Variants in PCSK5 observed in about 807,000 individuals in gnomAD.
PCSK5 encodes the protein prohormone convertase 5.
In PCSK5, 129 loss-of-function variants were observed where a neutral mutation model predicts 233.2. The ratio of observed to expected loss-of-function variants is 0.55; its 90% CI spans 0.48 to 0.64. The LOEUF (loss-of-function observed/expected upper bound fraction) is 0.64. PCSK5 is among the 30% of genes least tolerant of loss of function. The probability of loss-of-function intolerance (pLI) is 0.00; values close to 1 mark genes in which losing one functional copy is unlikely to be tolerated. For missense variants in PCSK5, 2,076 were observed against 2,430.1 expected, an observed-to-expected ratio of 0.85 and a Z score of 3.06; for synonymous variants, 825 against 879.2, an observed-to-expected ratio of 0.94 and a Z score of 1.09.
chr9:75,917,876 A>G (rs1823072425), intron 1 of PCSK5, among the ~76,000 whole-genome samples: 1 of 152,208 alleles, frequency 6.6e-6, no homozygotes, highest in Non-Finnish European at 1.5e-5. Context: ...AGTAGAAGCT[A>G]AGAAGAGCAT....
chr9:76,290,998 T>C lies in PCSK5; in HGVS notation c.3143-1235T>C, dbSNP rs144212685. On this transcript the variant is annotated intron_variant, in intron 24 of 37. Transcript: ENST00000674117. ...TGCAAGTTCACAAGATAATTAAGCC[T>C]GAGTTGAAACTTCAAACAGGAAGCT... 4.6e-5 allele frequency among the ~76,000 whole-genome samples: 7 copies of C among 152,360 alleles called. No homozygotes were observed. In the East Asian group the frequency reaches 1.2e-3, roughly 25 times the overall value.
At chr9:75,907,202 T>C (rs79122273) in intron 1 of PCSK5, among the ~76,000 whole-genome samples, 1 of 152,194 alleles carries the variant, frequency 6.6e-6, no homozygotes, top group African/African-American at 2.4e-5. Context: ...CTTTTTTTTT[T>C]CGGTCTACAG....
rs766224237 is a variant in PCSK5, at chr9:76,169,812, C to A, written c.1728C>A (p.Pro576=). 7.4e-6 allele frequency: 12 copies of A among 1,613,416 alleles called. No homozygotes were observed. In the East Asian group the frequency reaches 2.5e-4, roughly 33 times the overall value. The change falls in exon 13 of 38, where the codon CCC becomes CCA. Residue 576 remains proline, a synonymous_variant. Transcript: ENST00000674117. The part of the protein sequence containing the change: ...GDWVLEVYDT[P]SQLRNFKTPG... ...GGGTCCTTGAAGTTTATGATACTCCCTCTCAGCTAAGGAACTTTAAGACTC... is the reference window on the plus strand; with the variant it reads ...GGGTCCTTGAAGTTTATGATACTCCATCTCAGCTAAGGAACTTTAAGACTC...
At chr9:75,912,689 T>C (rs1287363689) in intron 1 of PCSK5, among the ~76,000 whole-genome samples, 1 of 152,324 alleles carries the variant, frequency 6.6e-6, no homozygotes, top group South Asian at 2.1e-4. Flanking sequence ...CATTCTCTAC[T>C]ACATGATAAC....
At chr9:76,245,775 T>C (rs2131337123) in intron 24 of PCSK5, among the ~76,000 whole-genome samples, 1 of 151,190 alleles carries the variant, frequency 6.6e-6, no homozygotes, top group Admixed American at 6.6e-5. Context: ...AGTGGGAGAG[T>C]GGGTGTCTTG....
chr9:75,933,764 A>G (rs761691368), intron 2 of PCSK5, among the ~76,000 whole-genome samples: 1 of 152,160 alleles, frequency 6.6e-6, no homozygotes, highest in Non-Finnish European at 1.5e-5. Context: ...CACTATTCAG[A>G]ATTGAATTTT....
chr9:76,188,756 C>A, intron 18 of PCSK5, 81 bp downstream of exon 18: 1 of 926,526 alleles, frequency 1.1e-6, no homozygotes, highest in Non-Finnish European at 1.7e-6. Context: ...CTCATGCAAC[C>A]CACTTGATAC....
rs59248860 is a variant in PCSK5, at chr9:76,173,496, C to CTTTTTTTTTTTTTTTTTTTTTT, written c.1757-1475_1757-1454dup. 1.3e-3 allele frequency among the ~76,000 whole-genome samples: 80 copies of CTTTTTTTTTTTTTTTTTTTTTT among 60,998 alleles called. 15 individuals carry two copies. The highest frequency in any genetic ancestry group is 1.7e-3 in the Non-Finnish European group (51 of 30,124). The allele number at this position is 60,998 out of a possible 152,430, so 40.0% of individuals were successfully genotyped here. A position where few individuals can be genotyped will look rare whatever the true frequency, so the allele number is the denominator to read the frequency against. On this transcript the variant is annotated intron_variant, in intron 13 of 37. Transcript: ENST00000674117. ...CTTTAATGAAATGGAGGCACGTTTC[C>CTTTTTTTTTTTTTTTTTTTTTT]TTTTTTTTTTTTTTTTTTTTTTTTT... is the stretch of plus-strand genomic sequence containing the variant.
intron 3 of PCSK5, among the ~76,000 whole-genome samples, chr9:75,990,665 T>A (rs2131402715): frequency 6.6e-6 from 1 of 152,322 alleles, no homozygotes; most frequent in Non-Finnish European, 1.5e-5. Flanking sequence ...AGGGGAGTAA[T>A]ATGTAAGCAT....
At chr9:76,057,100 T>A (rs1484554311) in intron 5 of PCSK5, among the ~76,000 whole-genome samples, 1 of 152,158 alleles carries the variant, frequency 6.6e-6, no homozygotes, top group Non-Finnish European at 1.5e-5. Flanking sequence ...CTACTAAAGT[T>A]TTCTCCCTAT....
At chr9:76,287,083 A>T (rs953190738) in intron 24 of PCSK5, 5 of 157,710 alleles carry the variant, frequency 3.2e-5, no homozygotes, top group Admixed American at 1.3e-4. Context: ...GGATAGTCTT[A>T]TCCTCTGGGA....
intron 13 of PCSK5, among the ~76,000 whole-genome samples, chr9:76,174,131 T>G (rs1212135539): frequency 1.3e-5 from 2 of 152,162 alleles, no homozygotes; most frequent in African/African-American, 4.8e-5. Context: ...TTGTTAATTT[T>G]AGTTCATTTA....
chr9:76,134,240 A>G, intron 10 of PCSK5, 28 bp downstream of exon 10: 3 of 1,344,216 alleles, frequency 2.2e-6, no homozygotes, highest in Non-Finnish European at 3.1e-6. Flanking sequence ...ATTCTGTCAC[A>G]GGCAAAATAT....
intron 2 of PCSK5, among the ~76,000 whole-genome samples, chr9:75,970,192 T>A (rs1384548040): frequency 2.0e-5 from 3 of 152,172 alleles, no homozygotes; most frequent in Non-Finnish European, 2.9e-5. Flanking sequence ...CAATTCTTAA[T>A]CAGTAACCAT....
At chr9:76,091,044 T>G (rs1275886243) in intron 7 of PCSK5, among the ~76,000 whole-genome samples, 1 of 151,864 alleles carries the variant, frequency 6.6e-6, no homozygotes, top group Non-Finnish European at 1.5e-5. Flanking sequence ...GGTAAGAGAG[T>G]AATGGAGAAT....
chr9:76,213,606 C>A (rs1308385012), intron 20 of PCSK5, among the ~76,000 whole-genome samples: 1 of 152,036 alleles, frequency 6.6e-6, no homozygotes, highest in Non-Finnish European at 1.5e-5. Context: ...TTTAGTCTCC[C>A]TTGACCAGGG....
At chr9:76,186,076 G>T (rs1824090124) in intron 17 of PCSK5, among the ~76,000 whole-genome samples, 1 of 151,892 alleles carries the variant, frequency 6.6e-6, no homozygotes, top group South Asian at 2.1e-4. Context: ...AAAGATACAG[G>T]GGAAATGAGT....
intron 8 of PCSK5, among the ~76,000 whole-genome samples, chr9:76,103,636 A>C (rs1315831248): frequency 6.6e-6 from 1 of 152,196 alleles, no homozygotes; most frequent in Non-Finnish European, 1.5e-5. Flanking sequence ...ACCGCTTGTC[A>C]TCAAAGGATG....
intron 2 of PCSK5, among the ~76,000 whole-genome samples, chr9:75,961,447 C>G (rs1587423715): frequency 6.6e-6 from 1 of 152,222 alleles, no homozygotes; most frequent in African/African-American, 2.4e-5. Context: ...ATGGCAGCCG[C>G]TAACCACTGT....
Sources: allele counts gnomAD v4.1 joint callset (sites outside exome capture counted in the v4.1 genomes callset), GRCh38; gene constraint gnomAD v4.1.1; transcripts MANE v1.5; gene names NCBI Gene and HGNC (gene_info 2026-07-23, HGNC 2026-07-21).